The following EYS variants were observed in gnomAD, a reference collection of about 807,000 sequenced individuals.
EYS encodes the protein EGF-like photoreceptor maintenance factor, also known as protein eyes shut homolog.
A neutral mutation model predicts 282.1 loss-of-function variants in EYS; 250 were observed. The observed-to-expected ratio is 0.89, with a 90% CI of 0.80 to 0.98. The LOEUF is 0.98. EYS is among the 50% of genes least tolerant of loss of function. The pLI is 0.00. For missense variants in EYS, 4,016 were observed against 3,709.0 expected (o/e 1.08, Z -2.15); for synonymous variants, 1,355 against 1,282.9 (o/e 1.06, Z -1.20).
At chr6:64,702,446 A>G (rs1430101336) in intron 22 of EYS, among the ~76,000 whole-genome samples, 1 of 152,130 alleles carries the variant, frequency 6.6e-6, no homozygotes, top group Non-Finnish European at 1.5e-5. Flanking sequence ...ATTAAAATTA[A>G]TGCTTTTATA....
chr6:64,181,637 A>G (rs1333454790), intron 31 of EYS, among the ~76,000 whole-genome samples: 1 of 152,104 alleles, frequency 6.6e-6, no homozygotes, highest in East Asian at 1.9e-4. Context: ...ATTTCATTAG[A>G]TTACTTAATT....
rs1001119281 is a variant in EYS at position 63,918,431 on chromosome 6, G to A, written c.7056-54073C>T. On this transcript the variant is annotated intron_variant, in intron 35 of 42. Transcript: ENST00000503581. Reference sequence around the variant, plus strand: ...TGACCATTAGTTCAATTCCATAGATGAAAATTGCATTTCCACCCTGTAACA... The same window carrying A: ...TGACCATTAGTTCAATTCCATAGATAAAAATTGCATTTCCACCCTGTAACA... Among the ~76,000 whole-genome samples, 53 of 152,170 alleles carry A rather than the reference G, an allele frequency of 3.5e-4. 1 individual carries two copies. The highest frequency in any genetic ancestry group is 1.2e-3 in the African/African-American group (50 of 41,420).
intron 37 of EYS, among the ~76,000 whole-genome samples, chr6:63,796,566 T>C (rs1770649830): frequency 6.6e-6 from 1 of 152,308 alleles, no homozygotes; most frequent in South Asian, 2.1e-4. Context: ...TAGTTGTAAT[T>C]TGTTATTTCT....
intron 37 of EYS, chr6:63,797,876 G>T (rs1428804854): frequency 2.0e-5 from 3 of 152,196 alleles, no homozygotes; most frequent in Non-Finnish European, 4.4e-5. Context: ...CAGAGAATAT[G>T]AAAATGTGAT....
chr6:65,266,989 T>TATATAGAGAGAGAGAG (rs144200033), intron 12 of EYS, among the ~76,000 whole-genome samples: 12 of 142,128 alleles, frequency 8.4e-5, no homozygotes, highest in South Asian at 2.2e-4. Flanking sequence ...TATATATATA[T>TATATAGAGAGAGAGAG]AGAGAGAGAG....
intron 26 of EYS, among the ~76,000 whole-genome samples, chr6:64,481,535 CAT>C (rs1776438505): frequency 6.6e-6 from 1 of 150,818 alleles, no homozygotes; most frequent in African/African-American, 2.4e-5. Flanking sequence ...CACACATACA[CAT>C]ATATACATAC....
At chr6:64,014,357 TTAAG>T (rs1359112246) in intron 33 of EYS, among the ~76,000 whole-genome samples, 1 of 152,020 alleles carries the variant, frequency 6.6e-6, no homozygotes, top group Non-Finnish European at 1.5e-5. Context: ...TGCCTTAACA[TTAAG>T]TATGTAGTTT....
intron 22 of EYS, among the ~76,000 whole-genome samples, chr6:64,679,605 C>A (rs1188179132): frequency 6.6e-6 from 1 of 152,040 alleles, no homozygotes; most frequent in Non-Finnish European, 1.5e-5. Context: ...AAAAACATGA[C>A]CAAATTTCCC....
chr6:64,080,501 T>C (rs375085233), intron 32 of EYS, among the ~76,000 whole-genome samples: 15 of 152,292 alleles, frequency 9.8e-5, no homozygotes, highest in East Asian at 9.7e-4. Flanking sequence ...TCCCATTCTG[T>C]AGGTTGCCTG....
At chr6:64,999,927 T>A (rs1167263494) in intron 13 of EYS, among the ~76,000 whole-genome samples, 1 of 152,154 alleles carries the variant, frequency 6.6e-6, no homozygotes, top group Non-Finnish European at 1.5e-5. Context: ...CTTGCACTCA[T>A]TCTCCAAGTC....
At position 64,759,742 on chromosome 6, in the gene EYS, C is replaced by T. The variant is rs1486398933; in HGVS notation, c.3443+53636G>A. Among the ~76,000 whole-genome samples the T allele has an allele frequency of 3.9e-5, 6 of 152,128 alleles. No homozygotes were observed. In the South Asian group the frequency reaches 1.0e-3, roughly 26 times the overall value. On this transcript the variant is annotated intron_variant, in intron 22 of 42. Transcript: ENST00000503581. ...ACTCTTTCTGAATTATTTTTAAGAA[C>T]AATCAAGAGAAAATATTAACAATTA...
chr6:63,903,279 G>C (rs72872855), intron 35 of EYS, among the ~76,000 whole-genome samples: 14,236 of 152,156 alleles, frequency 0.094, 880 homozygotes, highest in African/African-American at 0.18. Context: ...ATACATGTGA[G>C]GGGTAGGAAG....
intron 12 of EYS, among the ~76,000 whole-genome samples, chr6:65,228,577 C>T (rs1766688799): frequency 6.6e-6 from 1 of 151,938 alleles, no homozygotes; most frequent in Non-Finnish European, 1.5e-5. Context: ...AAAACCCTAC[C>T]ATTTGAATCA....
chr6:64,914,265 A>G (rs948369728), intron 15 of EYS, among the ~76,000 whole-genome samples: 1 of 152,176 alleles, frequency 6.6e-6, no homozygotes, highest in Non-Finnish European at 1.5e-5. Flanking sequence ...GGTGTGTTCA[A>G]GGAGAGAACT....
At chr6:64,220,533 T>C (rs1766068529) in intron 31 of EYS, among the ~76,000 whole-genome samples, 1 of 152,146 alleles carries the variant, frequency 6.6e-6, no homozygotes, top group Non-Finnish European at 1.5e-5. Context: ...GGACAGCCAG[T>C]ATCTCTTCCC....
chr6:64,691,466 T>C (rs548898074), intron 22 of EYS, among the ~76,000 whole-genome samples: 2 of 152,332 alleles, frequency 1.3e-5, no homozygotes, highest in African/African-American at 4.8e-5. Flanking sequence ...TGAATTTTTA[T>C]ATGCAACAGA....
chr6:64,749,663 A>T (rs116326421), intron 22 of EYS, among the ~76,000 whole-genome samples: 3,176 of 152,258 alleles, frequency 0.021, 109 homozygotes, highest in African/African-American at 0.069. Context: ...TTTAAAACAG[A>T]CTGCAGAAAT....
chr6:64,361,548 A>T (rs1335994610), intron 29 of EYS, among the ~76,000 whole-genome samples: 1 of 151,788 alleles, frequency 6.6e-6, no homozygotes, highest in Non-Finnish European at 1.5e-5. Context: ...TGATCATTTT[A>T]ATTAAATATT....
chr6:64,795,017 C>G (rs1413988107), intron 22 of EYS, among the ~76,000 whole-genome samples: 1 of 152,002 alleles, frequency 6.6e-6, no homozygotes, highest in Non-Finnish European at 1.5e-5. Flanking sequence ...GGTGGATTAC[C>G]TGAGGTCAGG....
Sources: allele counts gnomAD v4.1 joint callset (sites outside exome capture counted in the v4.1 genomes callset), GRCh38; gene constraint gnomAD v4.1.1; transcripts MANE v1.5; gene names NCBI Gene and HGNC (gene_info 2026-07-23, HGNC 2026-07-21).